The following AFF3 variants were observed in gnomAD, a reference collection of about 807,000 sequenced individuals.
AFF3 encodes AF4/FMR2 family member 3.
In AFF3, 32 loss-of-function variants were observed where a neutral mutation model predicts 129.7. That is an observed-to-expected ratio of 0.25 (90% CI 0.19 to 0.33). The LOEUF (loss-of-function observed/expected upper bound fraction) is 0.33, where lower values mean the gene tolerates loss of function less well. Among genes scored for constraint, AFF3 ranks in the 10% least tolerant of loss-of-function variants. AFF3 has a pLI of 1.00. For synonymous variants in AFF3, 644 were observed against 635.4 expected, an observed-to-expected ratio of 1.01 and a Z score of -0.20; for missense variants, 1,373 against 1,592.0, an observed-to-expected ratio of 0.86 and a Z score of 2.34.
chr2:99,993,375 C>T (rs1680532483), intron 7 of AFF3, among the ~76,000 whole-genome samples: 1 of 151,954 alleles, frequency 6.6e-6, no homozygotes, highest in South Asian at 2.1e-4. Context: ...TTAATTATGA[C>T]AATCAATCTT....
intron 4 of AFF3, among the ~76,000 whole-genome samples, chr2:100,046,760 A>G (rs1390537452): frequency 6.6e-6 from 1 of 152,164 alleles, no homozygotes; most frequent in Non-Finnish European, 1.5e-5. Flanking sequence ...TAAATATATA[A>G]AATCTGGGCT....
chr2:99,744,009 C>G lies in AFF3; in HGVS notation c.1039+95G>C. ...GTTTTTTAGTGAATTTCTTTGAAAC[C>G]TACTGTCCAATGTGTGCTCATCCTC... On this transcript the variant is annotated intron_variant, in intron 10 of 24. Coordinates refer to ENST00000672756, the MANE Select transcript of AFF3 (RefSeq NM_001386135.1). 3.6e-6 allele frequency: 4 copies of G among 1,107,750 alleles called. No individual in the cohort carries two copies. In the Admixed American group the frequency reaches 1.1e-4, roughly 29 times the overall value. The allele number at this position is 1,107,750 out of a possible 1,614,324, so 68.6% of individuals were successfully genotyped here.
At chr2:99,951,608 G>C (rs1374033342) in intron 7 of AFF3, among the ~76,000 whole-genome samples, 1 of 152,142 alleles carries the variant, frequency 6.6e-6, no homozygotes, top group Non-Finnish European at 1.5e-5. Flanking sequence ...TTTACAAATG[G>C]TCAGTTTATT....
intron 4 of AFF3, among the ~76,000 whole-genome samples, chr2:100,098,917 C>A (rs1188895855): frequency 8.3e-6 from 1 of 120,142 alleles, no homozygotes; most frequent in Non-Finnish European, 1.8e-5. Flanking sequence ...CTCCTCCAGG[C>A]TGATGAGCAG....
At chr2:99,862,218 G>T (rs906443620) in intron 7 of AFF3, among the ~76,000 whole-genome samples, 4 of 151,738 alleles carry the variant, frequency 2.6e-5, no homozygotes, top group Admixed American at 2.0e-4. Flanking sequence ...GAATTTTACT[G>T]CATTTTCTCT....
At chr2:99,732,321 C>G (rs564729557) in intron 10 of AFF3, among the ~76,000 whole-genome samples, 195 of 146,152 alleles carry the variant, frequency 1.3e-3, no homozygotes, top group Non-Finnish European at 2.2e-3. Flanking sequence ...GCACTCCAGC[C>G]TGGGCAACAG....
chr2:99,576,627 T>C (rs1677025882), intron 18 of AFF3, among the ~76,000 whole-genome samples: 2 of 152,116 alleles, frequency 1.3e-5, no homozygotes, highest in South Asian at 4.1e-4. Flanking sequence ...ATTCCTTGCA[T>C]TTTAATATGA....
At chr2:100,001,522 G>A (rs1218577858) in intron 7 of AFF3, among the ~76,000 whole-genome samples, 2 of 152,156 alleles carry the variant, frequency 1.3e-5, no homozygotes, top group Non-Finnish European at 2.9e-5. Context: ...TCTGCATCCC[G>A]AGTTCAGGCA....
chr2:99,669,401 A>C (rs1201305614), intron 12 of AFF3, among the ~76,000 whole-genome samples: 6 of 152,260 alleles, frequency 3.9e-5, no homozygotes, highest in African/African-American at 1.4e-4. Context: ...AACAAACTTC[A>C]ATTACAGGTA....
chr2:99,596,095 T>C (rs1257908861), intron 14 of AFF3, among the ~76,000 whole-genome samples: 16 of 152,182 alleles, frequency 1.1e-4, no homozygotes, highest in Non-Finnish European at 1.5e-5. Flanking sequence ...GTCTTTGACG[T>C]GACATTTTTC....
intron 7 of AFF3, among the ~76,000 whole-genome samples, chr2:99,942,762 T>C (rs1355604741): frequency 6.6e-6 from 1 of 151,938 alleles, no homozygotes; most frequent in Non-Finnish European, 1.5e-5. Flanking sequence ...AACCAAGTCT[T>C]CCTCCTCTCT....
At chr2:99,737,510 G>A (rs968095282) in intron 10 of AFF3, among the ~76,000 whole-genome samples, 3 of 151,908 alleles carry the variant, frequency 2.0e-5, no homozygotes, top group African/African-American at 7.3e-5. Context: ...TGATGCTTCA[G>A]CTTCTCTGTT....
intron 12 of AFF3, among the ~76,000 whole-genome samples, chr2:99,651,627 A>G (rs1685265948): frequency 6.6e-6 from 1 of 151,964 alleles, no homozygotes; most frequent in Non-Finnish European, 1.5e-5. Flanking sequence ...TTTTTAGTAG[A>G]GACAGGGTCT....
intron 7 of AFF3, among the ~76,000 whole-genome samples, chr2:99,958,720 C>T (rs1414966623): frequency 1.3e-5 from 2 of 151,906 alleles, no homozygotes; most frequent in African/African-American, 2.4e-5. Context: ...AGTATTATGA[C>T]CTATGGGTGG....
At chr2:100,070,220 A>T (rs1230606914) in intron 4 of AFF3, among the ~76,000 whole-genome samples, 2 of 152,204 alleles carry the variant, frequency 1.3e-5, no homozygotes, top group African/African-American at 4.8e-5. Flanking sequence ...ATAAAAAAAA[A>T]AACTGTAAAA....
chr2:99,927,815 T>C (rs1696371867), intron 7 of AFF3, among the ~76,000 whole-genome samples: 1 of 152,186 alleles, frequency 6.6e-6, no homozygotes, highest in Non-Finnish European at 1.5e-5. Flanking sequence ...CCAGAGCACG[T>C]GGGAGACTGA....
chr2:100,047,761 C>T (rs551426758), intron 4 of AFF3, among the ~76,000 whole-genome samples: 4 of 152,178 alleles, frequency 2.6e-5, no homozygotes, highest in Non-Finnish European at 5.9e-5. Context: ...TCCTCTGTGA[C>T]AAATTAAGCT....
At chr2:99,840,938 T>C (rs1689273797) in intron 7 of AFF3, among the ~76,000 whole-genome samples, 1 of 152,188 alleles carries the variant, frequency 6.6e-6, no homozygotes. Flanking sequence ...CTTATCCTAC[T>C]TCTAAGTCCC....
chr2:99,551,820 A>G (rs540925210), intron 24 of AFF3, among the ~76,000 whole-genome samples: 1 of 152,354 alleles, frequency 6.6e-6, no homozygotes, highest in South Asian at 2.1e-4. Context: ...TCTAACTCAA[A>G]TGAATAGTAT....
Sources: allele counts gnomAD v4.1 joint callset (sites outside exome capture counted in the v4.1 genomes callset), GRCh38; gene constraint gnomAD v4.1.1; transcripts MANE v1.5; gene names NCBI Gene and HGNC (gene_info 2026-07-23, HGNC 2026-07-21).